The following CEP85L variants were observed in gnomAD, a reference collection of about 807,000 sequenced individuals.
CEP85L encodes centrosomal protein 85L.
CEP85L carries 60 observed loss-of-function variants against 100.3 expected under a neutral mutation model. That is an observed-to-expected ratio of 0.60 (90% CI 0.49 to 0.74). CEP85L has a LOEUF of 0.74. Among genes scored for constraint, CEP85L ranks in the 30% least tolerant of loss-of-function variants. The pLI is 0.00. For synonymous variants in CEP85L, 319 were observed against 322.7 expected (o/e 0.99, Z 0.12); for missense variants, 973 against 936.2 (o/e 1.04, Z -0.51).
intron 1 of CEP85L, among the ~76,000 whole-genome samples, chr6:118,705,308 T>C (rs1387825772): frequency 2.0e-5 from 3 of 152,266 alleles, no homozygotes; most frequent in Admixed American, 6.5e-5. Context: ...GTTTTATTGA[T>C]AATTTGCCCC....
intron 1 of CEP85L, among the ~76,000 whole-genome samples, chr6:118,703,459 C>A (rs1383888209): frequency 1.3e-5 from 2 of 152,214 alleles, no homozygotes; most frequent in African/African-American, 4.8e-5. Flanking sequence ...TCCCACCCAG[C>A]CTCCCAAAGT....
intron 2 of CEP85L, among the ~76,000 whole-genome samples, chr6:118,617,325 C>T (rs1180153343): frequency 1.3e-5 from 2 of 152,140 alleles, no homozygotes; most frequent in African/African-American, 4.8e-5. Flanking sequence ...TGTGTGCCCT[C>T]CCCCGAAACC....
chr6:118,556,808 T>C (rs1010478120), intron 3 of CEP85L, among the ~76,000 whole-genome samples: 2 of 152,238 alleles, frequency 1.3e-5, no homozygotes, highest in Admixed American at 6.5e-5. Flanking sequence ...GACACATAAG[T>C]ATACTGATTG....
At chr6:118,652,542 T>C, upstream of CEP85L, 2 of 1,411,632 alleles carry the variant, frequency 1.4e-6, no homozygotes, top group Middle Eastern at 2.7e-4. Context: ...CGCAGGTCGC[T>C]TAACTAGAGA....
rs1393630941 is a variant in CEP85L, at chr6:118,484,005, T to C, written c.1438-147A>G. The C allele has an allele frequency of 1.3e-3, 891 of 701,158 alleles. 3 individuals carry two copies. Among genetic ancestry groups the C allele is most frequent in the Non-Finnish European group, 1.7e-3 (731 of 431,486 alleles). The allele number at this position is 701,158 out of a possible 1,614,324, so 43.4% of individuals were successfully genotyped here. A position where few individuals can be genotyped will look rare whatever the true frequency, so the allele number is the denominator to read the frequency against. The stretch of plus-strand genomic sequence containing the variant: ...CTAGCAACTCAATTAAGATTTACCT[T>C]ATTTCATTCTAAGATTTACACTTGC... On this transcript the variant is annotated intron_variant, in intron 6 of 12. Transcript: ENST00000368491.
At chr6:118,587,281 A>G (rs1354001660) in intron 2 of CEP85L, among the ~76,000 whole-genome samples, 1 of 152,054 alleles carries the variant, frequency 6.6e-6, no homozygotes, top group African/African-American at 2.4e-5. Context: ...CCAGGAGAAC[A>G]CTCTGCCCCA....
At chr6:118,524,141 C>T (rs1040864238) in intron 3 of CEP85L, among the ~76,000 whole-genome samples, 1 of 152,038 alleles carries the variant, frequency 6.6e-6, no homozygotes, top group Non-Finnish European at 1.5e-5. Context: ...GACAACAGAA[C>T]GTTTATCCTG....
intron 3 of CEP85L, among the ~76,000 whole-genome samples, chr6:118,547,303 G>C (rs1041778447): frequency 6.6e-6 from 1 of 152,044 alleles, no homozygotes; most frequent in African/African-American, 2.4e-5. Context: ...ACTGTTCTAG[G>C]AAGTTCAAAA....
intron 2 of CEP85L, among the ~76,000 whole-genome samples, chr6:118,617,222 T>C (rs781439078): frequency 8.5e-5 from 13 of 152,104 alleles, no homozygotes; most frequent in Non-Finnish European, 1.6e-4. Flanking sequence ...AGGTATAATA[T>C]ATGCTTAAAA....
chr6:118,517,769 C>T (rs1025603312), intron 4 of CEP85L, among the ~76,000 whole-genome samples: 15 of 152,164 alleles, frequency 9.9e-5, no homozygotes, highest in African/African-American at 3.4e-4. Context: ...ACTTCCAATG[C>T]TATGTTGAAG....
chr6:118,465,623 T>G (rs1301285830), intron 12 of CEP85L, 55 bp from the exon 13 acceptor site: 8 of 1,558,538 alleles, frequency 5.1e-6, no homozygotes, highest in Non-Finnish European at 4.4e-6. Flanking sequence ...CAAAGACATT[T>G]TAGAATTTTT....
intron 2 of CEP85L, among the ~76,000 whole-genome samples, chr6:118,571,856 T>C (rs915008552): frequency 1.3e-5 from 2 of 152,146 alleles, no homozygotes; most frequent in Admixed American, 1.3e-4. Context: ...GCAATAATTT[T>C]GTTTTGTTTT....
chr6:118,588,900 G>T (rs926375479), intron 2 of CEP85L, among the ~76,000 whole-genome samples: 18 of 152,130 alleles, frequency 1.2e-4, no homozygotes, highest in African/African-American at 4.1e-4. Flanking sequence ...GGAAGTAGCC[G>T]GAAAGAGTCA....
intron 3 of CEP85L, among the ~76,000 whole-genome samples, chr6:118,545,787 T>C (rs904041689): frequency 2.0e-5 from 3 of 152,100 alleles, no homozygotes; most frequent in African/African-American, 7.2e-5. Flanking sequence ...ATCCACCTTC[T>C]AAAGGAAAAA....
intron 4 of CEP85L, among the ~76,000 whole-genome samples, chr6:118,520,983 T>C (rs1469399950): frequency 6.6e-6 from 1 of 152,114 alleles, no homozygotes; most frequent in Non-Finnish European, 1.5e-5. Context: ...AACCTAATAA[T>C]CCAGTCTCCT....
intron 5 of CEP85L, among the ~76,000 whole-genome samples, chr6:118,506,911 C>T (rs1015536179): frequency 6.6e-6 from 1 of 152,124 alleles, no homozygotes; most frequent in Non-Finnish European, 1.5e-5. Context: ...CCCTCAGGCT[C>T]CTTCACAAGT....
At chr6:118,684,168 A>T (rs1776756149) in intron 1 of CEP85L, among the ~76,000 whole-genome samples, 1 of 152,226 alleles carries the variant, frequency 6.6e-6, no homozygotes, top group Non-Finnish European at 1.5e-5. Flanking sequence ...AACATTAAAC[A>T]TAACCCTTTC....
At chr6:118,625,683 C>T (rs1241736798) in intron 2 of CEP85L, among the ~76,000 whole-genome samples, 1 of 152,118 alleles carries the variant, frequency 6.6e-6, no homozygotes, top group Non-Finnish European at 1.5e-5. Flanking sequence ...CCGAAAAAGT[C>T]CAGGAGCTAA....
At chr6:118,534,680 A>G (rs1232590331) in intron 3 of CEP85L, among the ~76,000 whole-genome samples, 1 of 152,002 alleles carries the variant, frequency 6.6e-6, no homozygotes, top group Admixed American at 6.6e-5. Context: ...ATTTTTTAAC[A>G]AAGGGGAAAG....
Sources: allele counts gnomAD v4.1 joint callset (sites outside exome capture counted in the v4.1 genomes callset), GRCh38; gene constraint gnomAD v4.1.1; transcripts MANE v1.5; gene names NCBI Gene and HGNC (gene_info 2026-07-23, HGNC 2026-07-21).